PLEKHA5: variants seen among roughly 807,000 people sequenced by gnomAD.
The protein encoded by PLEKHA5 is pleckstrin homology domain-containing family A member 5.
Under a neutral mutation model 181.9 loss-of-function variants are expected in PLEKHA5, and 55 were observed. The observed-to-expected ratio is 0.30, with a 90% CI of 0.24 to 0.38. The LOEUF is 0.38. Among genes scored for constraint, PLEKHA5 ranks in the 10% least tolerant of loss-of-function variants. The pLI is 1.00. For synonymous variants in PLEKHA5, 535 were observed against 529.4 expected (o/e 1.01, Z -0.15); for missense variants, 1,432 against 1,549.5 (o/e 0.92, Z 1.27).
At chr12:19,334,829 A>AAAAAATAT in intron 20 of PLEKHA5, among the ~76,000 whole-genome samples, 4 of 18,602 alleles carry the variant, frequency 2.2e-4, no homozygotes, top group African/African-American at 4.9e-4. Flanking sequence ...AAAAAAAAAA[A>AAAAAATAT]ATATATATAT....
At chr12:19,364,826 C>T (rs1042800922) in intron 29 of PLEKHA5, among the ~76,000 whole-genome samples, 23 of 151,838 alleles carry the variant, frequency 1.5e-4, no homozygotes, top group South Asian at 2.1e-4. Flanking sequence ...CCACTGTGCC[C>T]GGCTAATTTT....
intron 16 of PLEKHA5, among the ~76,000 whole-genome samples, chr12:19,316,471 C>T (rs1020493659): frequency 6.6e-6 from 1 of 152,062 alleles, no homozygotes; most frequent in African/African-American, 2.4e-5. Context: ...CACATTATAG[C>T]ATCACTGACC....
In PLEKHA5 at chr12:19,258,572, T is replaced by G. The variant is rs2067483569; in HGVS notation, c.537+1035T>G. ...TTTTTTTTCTTTTTCTTTTTTTTTT[T>G]TTTTGTGAGACAGGGTCTCACTCTG... On this transcript the variant is annotated intron_variant, in intron 6 of 31. Coordinates refer to ENST00000429027, the MANE Select transcript of PLEKHA5 (RefSeq NM_001256470.2). Among the ~76,000 whole-genome samples the G allele has an allele frequency of 2.7e-5, 4 of 148,042 alleles. No homozygotes were observed. The South Asian group carries it at 8.6e-4, about 32-fold the overall frequency.
In PLEKHA5 at chr12:19,347,036, T is replaced by C. The variant is rs945405474; in HGVS notation, c.2752T>C (p.Tyr918His). 2 of 1,551,334 alleles carry C rather than the reference T, an allele frequency of 1.3e-6. No individual in the cohort carries two copies. The highest frequency in any genetic ancestry group is 1.4e-5 in the African/African-American group (1 of 73,052). ...VPPRPPLPRS[Y>H]DFTEQPPIIP... is the part of the protein sequence containing the mutation. ...ACCTCGTCCTCCACTTCCTCGGTCC[T>C]ATGACTTTACAGAGCAGCCTCCCAT... The change falls in exon 24 of 32, where the codon TAT becomes CAT. Residue 918 changes from tyrosine to histidine, a missense_variant. By Grantham distance (83) the Tyr-to-His change is moderately conservative (BLOSUM62 2). Coordinates refer to ENST00000429027, the MANE Select transcript of PLEKHA5 (RefSeq NM_001256470.2).
At chr12:19,196,692 G>A (rs1417840882) in intron 3 of PLEKHA5, among the ~76,000 whole-genome samples, 4 of 151,958 alleles carry the variant, frequency 2.6e-5, no homozygotes, top group African/African-American at 4.8e-5. Flanking sequence ...ACAAACAAAA[G>A]ATTATTAATG....
At position 19,322,686 on chromosome 12, in the gene PLEKHA5, T is replaced by C. The variant is rs200717062; in HGVS notation, c.2448+19T>C. On this transcript the variant is annotated intron_variant, in intron 20 of 31. Coordinates refer to ENST00000429027, the MANE Select transcript of PLEKHA5 (RefSeq NM_001256470.2). Reference sequence around the variant, plus strand: ...CACTGCCGTAAGTAGATTTTTTTTTTCCCCTAATAAAAGTAGCTTAAATAT... The same window carrying C: ...CACTGCCGTAAGTAGATTTTTTTTTCCCCCTAATAAAAGTAGCTTAAATAT... 5.7e-5 allele frequency: 90 copies of C among 1,577,698 alleles called. No individual in the cohort carries two copies. In the Middle Eastern group the frequency reaches 1.2e-3, roughly 21 times the overall value.
At chr12:19,158,072 G>T (rs1359886756) in intron 3 of PLEKHA5, among the ~76,000 whole-genome samples, 2 of 152,006 alleles carry the variant, frequency 1.3e-5, no homozygotes, top group Non-Finnish European at 1.5e-5. Flanking sequence ...GCGGGTGCTG[G>T]GATTACAGGA....
intron 22 of PLEKHA5, among the ~76,000 whole-genome samples, chr12:19,343,912 C>T (rs938413230): frequency 3.9e-5 from 6 of 152,030 alleles, no homozygotes; most frequent in Admixed American, 2.0e-4. Context: ...AAAAGCCAGG[C>T]ATGGTGGCGC....
chr12:19,238,395 A>G (rs1445912734), intron 3 of PLEKHA5, among the ~76,000 whole-genome samples: 1 of 152,128 alleles, frequency 6.6e-6, no homozygotes, highest in Non-Finnish European at 1.5e-5. Context: ...CCAGTATATT[A>G]TACATCTATA....
chr12:19,329,617 G>A (rs961713136), intron 20 of PLEKHA5, among the ~76,000 whole-genome samples: 2 of 152,108 alleles, frequency 1.3e-5, no homozygotes, highest in African/African-American at 2.4e-5. Flanking sequence ...TAGTTTGTGT[G>A]CATAGTGGTG....
At chr12:19,333,401 A>G (rs1381566066) in intron 20 of PLEKHA5, among the ~76,000 whole-genome samples, 1 of 151,636 alleles carries the variant, frequency 6.6e-6, no homozygotes, top group East Asian at 2.0e-4. Context: ...AACACGATGA[A>G]ACCACGTCTC....
At chr12:19,307,012 A>C in intron 15 of PLEKHA5, 1 of 1,494,606 alleles carries the variant, frequency 6.7e-7, no homozygotes, top group Non-Finnish European at 9.3e-7. Context: ...GGGGGCTCCT[A>C]CTCTTGTTCC....
At chr12:19,305,078 C>T (rs538100756) in intron 15 of PLEKHA5, among the ~76,000 whole-genome samples, 8 of 152,240 alleles carry the variant, frequency 5.3e-5, no homozygotes, top group South Asian at 4.1e-4. Context: ...AACAAATAAG[C>T]AGGAGGTGAT....
intron 3 of PLEKHA5, among the ~76,000 whole-genome samples, chr12:19,224,700 A>T (rs1040338098): frequency 1.3e-5 from 2 of 152,218 alleles, no homozygotes; most frequent in African/African-American, 2.4e-5. Flanking sequence ...AGCATTTTCA[A>T]TGACCATCAT....
At chr12:19,171,879 C>G (rs2045975745) in intron 3 of PLEKHA5, among the ~76,000 whole-genome samples, 1 of 152,174 alleles carries the variant, frequency 6.6e-6, no homozygotes, top group Non-Finnish European at 1.5e-5. Context: ...TACACAGGGT[C>G]AGGATCATCA....
chr12:19,205,928 T>C (rs1005853404), intron 3 of PLEKHA5, among the ~76,000 whole-genome samples: 3 of 152,100 alleles, frequency 2.0e-5, no homozygotes, highest in African/African-American at 7.2e-5. Flanking sequence ...TGTACACATA[T>C]TATTAAAAAG....
chr12:19,129,973 C>T (rs939108376), intron 1 of PLEKHA5, 78 bp from the exon 2 acceptor site: 2 of 1,451,908 alleles, frequency 1.4e-6, no homozygotes, highest in African/African-American at 1.4e-5. Context: ...GAGCCCGGGT[C>T]TGTGCTCCTG....
At chr12:19,180,425 C>A (rs4077883) in intron 3 of PLEKHA5, among the ~76,000 whole-genome samples, 17,002 of 152,014 alleles carry the variant, frequency 0.11, 1,156 homozygotes, top group East Asian at 0.3. Context: ...GTACTTCACA[C>A]AGAAAAATAA....
chr12:19,275,643 G>A (rs971152167), intron 11 of PLEKHA5, among the ~76,000 whole-genome samples: 13 of 152,050 alleles, frequency 8.5e-5, no homozygotes, highest in African/African-American at 3.1e-4. Context: ...GTGCATACCT[G>A]TAGTACCTAC....
Sources: gnomAD v4.1 joint callset for allele counts (sites outside exome capture counted in the v4.1 genomes callset) on GRCh38, gnomAD v4.1.1 for gene constraint, MANE v1.5 for transcripts, NCBI Gene and HGNC (gene_info 2026-07-23, HGNC 2026-07-21) for gene names.